Variants in TANC1 observed in about 807,000 individuals in gnomAD.
TANC1 encodes protein TANC1.
A neutral mutation model predicts 149.7 loss-of-function variants in TANC1; 77 were observed. The ratio of observed to expected loss-of-function variants is 0.51; its 90% CI spans 0.43 to 0.62. The LOEUF is 0.62. Among genes scored for constraint, TANC1 ranks in the 20% least tolerant of loss-of-function variants. TANC1 has a pLI of 0.00. For missense variants in TANC1, 1,985 were observed against 2,321.8 expected, an observed-to-expected ratio of 0.85 and a Z score of 2.98; for synonymous variants, 854 against 925.0, an observed-to-expected ratio of 0.92 and a Z score of 1.39.
At chr2:158,984,460 A>C (rs2034783507) in intron 1 of TANC1, among the ~76,000 whole-genome samples, 1 of 152,196 alleles carries the variant, frequency 6.6e-6, no homozygotes, top group South Asian at 2.1e-4. Context: ...TAAAGATAAA[A>C]AGTTACCATG....
In TANC1 at chr2:159,202,307, C is replaced by G. The variant is rs1004063177; in HGVS notation, c.3244+3254C>G. On this transcript the variant is annotated intron_variant, in intron 19 of 26. Transcript: ENST00000263635. ...GGCTCCTGTGTTAGGTTGAAGGAGA[C>G]AAGAAAATGTACAATAGAATTTTAA... is the stretch of plus-strand genomic sequence containing the variant. Among the ~76,000 whole-genome samples, 17 of 152,128 alleles carry G rather than the reference C, an allele frequency of 1.1e-4. 1 individual carries two copies. Among genetic ancestry groups the G allele is most frequent in the Admixed American group, 7.9e-4 (12 of 15,276 alleles).
intron 7 of TANC1, among the ~76,000 whole-genome samples, chr2:159,159,408 C>T (rs938035099): frequency 6.6e-6 from 1 of 150,396 alleles, no homozygotes; most frequent in African/African-American, 2.5e-5. Context: ...CCACTGCACT[C>T]CAGCCTGGGC....
chr2:159,021,382 G>C (rs1358821625), intron 2 of TANC1, among the ~76,000 whole-genome samples: 1 of 152,118 alleles, frequency 6.6e-6, no homozygotes, highest in Non-Finnish European at 1.5e-5. Context: ...AATCATTTAG[G>C]CTTTTCTTTT....
intron 1 of TANC1, among the ~76,000 whole-genome samples, chr2:158,998,366 C>T (rs2036323748): frequency 6.6e-6 from 1 of 152,206 alleles, no homozygotes. Flanking sequence ...ATCACACCAT[C>T]TTATTTCAAA....
chr2:158,994,515 C>T (rs930077702), intron 1 of TANC1, among the ~76,000 whole-genome samples: 4 of 152,192 alleles, frequency 2.6e-5, no homozygotes, highest in Non-Finnish European at 5.9e-5. Flanking sequence ...AGCCATCCTT[C>T]CTCCCTTGGC....
At chr2:159,072,636 A>C (rs541473129) in intron 3 of TANC1, among the ~76,000 whole-genome samples, 1 of 152,324 alleles carries the variant, frequency 6.6e-6, no homozygotes, top group African/African-American at 2.4e-5. Flanking sequence ...AACCCTTAAA[A>C]ATATATAAAT....
At chr2:159,119,179 T>C (rs2048598118) in intron 4 of TANC1, among the ~76,000 whole-genome samples, 1 of 152,218 alleles carries the variant, frequency 6.6e-6, no homozygotes, top group South Asian at 2.1e-4. Context: ...TTCAGATGTT[T>C]TTGTACACAT....
intron 4 of TANC1, among the ~76,000 whole-genome samples, chr2:159,118,277 G>A (rs77776566): frequency 0.09 from 13,622 of 152,170 alleles, 845 homozygotes; most frequent in Admixed American, 0.17. Flanking sequence ...GGAGTGTGCT[G>A]TACTCTCCAG....
chr2:159,230,278 C>T lies in TANC1; in HGVS notation c.4852C>T (p.His1618Tyr), dbSNP rs769657106. 2 of 1,613,956 alleles carry T rather than the reference C, an allele frequency of 1.2e-6. No homozygotes were observed. The highest frequency in any genetic ancestry group is 1.3e-5 in the African/African-American group (1 of 74,944). The part of the protein sequence containing the change: ...RLQCGENGPA[H>Y]PLPSKTKTTE... ...GCAGTGTGGTGAGAATGGCCCTGCA[C>T]ACCCTTTACCAAGTAAGACGAAAAC... Residue 1618 changes from histidine (H) to tyrosine (Y), a missense_variant, in exon 27 of 27, where the codon CAC (histidine) becomes TAC (tyrosine). This residue lies in a region of TANC1 where 920 missense variants were observed against 994.7 expected (regional missense o/e 0.92). Coordinates refer to ENST00000263635, the MANE Select transcript of TANC1 (RefSeq NM_033394.3). The surrounding 1 kb of genome is among the most constrained non-coding windows in gnomAD (Gnocchi z 4.4).
At chr2:159,072,416 A>G (rs1200917363) in intron 3 of TANC1, among the ~76,000 whole-genome samples, 1 of 152,172 alleles carries the variant, frequency 6.6e-6, no homozygotes, top group Non-Finnish European at 1.5e-5. Context: ...GAGGACACAG[A>G]CTCACATCCC....
chr2:159,126,843 T>TC (rs1253308752), intron 4 of TANC1, among the ~76,000 whole-genome samples: 3 of 152,266 alleles, frequency 2.0e-5, no homozygotes, highest in African/African-American at 7.2e-5. Flanking sequence ...TGTCTGTGGT[T>TC]CTCACCCTTG....
chr2:159,004,539 G>A (rs982119034), intron 2 of TANC1, among the ~76,000 whole-genome samples: 1 of 152,134 alleles, frequency 6.6e-6, no homozygotes, highest in Admixed American at 6.5e-5. Flanking sequence ...TGAAGTATTG[G>A]TGCAGTTTGA....
At chr2:159,006,994 G>A (rs1005438838) in intron 2 of TANC1, among the ~76,000 whole-genome samples, 8 of 152,126 alleles carry the variant, frequency 5.3e-5, no homozygotes, top group Non-Finnish European at 1.0e-4. Flanking sequence ...ATGCAAAATT[G>A]CTTTTAAATT....
chr2:159,166,214 C>G (rs922245031), intron 8 of TANC1, among the ~76,000 whole-genome samples: 1 of 152,074 alleles, frequency 6.6e-6, no homozygotes, highest in African/African-American at 2.4e-5. Flanking sequence ...AAAATACTTT[C>G]TGAGTGGATT....
chr2:159,152,581 C>T (rs1436308686), intron 7 of TANC1, among the ~76,000 whole-genome samples: 1 of 149,502 alleles, frequency 6.7e-6, no homozygotes, highest in Non-Finnish European at 1.5e-5. Context: ...AGCCAAACTT[C>T]TGGGCTAATG....
intron 1 of TANC1, among the ~76,000 whole-genome samples, chr2:158,986,304 A>T (rs551628165): frequency 5.3e-5 from 8 of 152,306 alleles, no homozygotes; most frequent in African/African-American, 1.9e-4. Context: ...CAAGGTATGG[A>T]TGATGAACAA....
chr2:159,037,044 TC>T (rs2040245996), intron 2 of TANC1, among the ~76,000 whole-genome samples: 1 of 152,210 alleles, frequency 6.6e-6, no homozygotes, highest in African/African-American at 2.4e-5. Context: ...TTTTTAATGA[TC>T]GCCGTTCTAA....
chr2:158,997,907 G>A (rs2036277557), intron 1 of TANC1, among the ~76,000 whole-genome samples: 1 of 152,136 alleles, frequency 6.6e-6, no homozygotes. Context: ...GACAGAGTAT[G>A]GAAAGGTGGG....
At chr2:159,004,635 A>G (rs944425186) in intron 2 of TANC1, among the ~76,000 whole-genome samples, 34 of 151,982 alleles carry the variant, frequency 2.2e-4, no homozygotes, top group African/African-American at 7.7e-4. Flanking sequence ...GTGTGTGGGT[A>G]TGTGTGTATA....
Sources: allele counts gnomAD v4.1 joint callset (sites outside exome capture counted in the v4.1 genomes callset), GRCh38; gene constraint gnomAD v4.1.1; regional missense constraint gnomAD v4.1.1; non-coding constraint Gnocchi (gnomAD v3.1); transcripts MANE v1.5; gene names NCBI Gene and HGNC (gene_info 2026-07-23, HGNC 2026-07-21).